MMP26: variants seen among roughly 807,000 people sequenced by gnomAD.
The protein encoded by MMP26 is matrix metalloproteinase-26.
MMP26 carries 33 observed loss-of-function variants against 31.0 expected under a neutral mutation model. That is an observed-to-expected ratio of 1.06 (90% CI 0.81 to 1.42). The LOEUF (loss-of-function observed/expected upper bound fraction) is 1.42, where lower values mean the gene tolerates loss of function less well. Ranked by LOEUF, MMP26 falls within the 40% of genes most tolerant of loss-of-function variation. The pLI, the probability that MMP26 is intolerant of heterozygous loss-of-function variation, is 0.00. For missense variants in MMP26, 347 were observed against 316.1 expected (o/e 1.10, Z -0.74); for synonymous variants, 122 against 114.9 (o/e 1.06, Z -0.40).
chr11:4,729,302 A>G (rs1848142329), intron 1 of MMP26, among the ~76,000 whole-genome samples: 1 of 152,168 alleles, frequency 6.6e-6, no homozygotes, highest in African/African-American at 2.4e-5. Context: ...CTGACAGCCA[A>G]GCAGGTGATG....
chr11:4,809,215 A>G (rs1014890376), intron 2 of MMP26, among the ~76,000 whole-genome samples: 3 of 152,222 alleles, frequency 2.0e-5, no homozygotes, highest in African/African-American at 7.2e-5. Context: ...TGAACATAGT[A>G]CATACTGAAA....
At chr11:4,766,514 C>A (rs1848630778) in intron 1 of MMP26, among the ~76,000 whole-genome samples, 1 of 152,078 alleles carries the variant, frequency 6.6e-6, no homozygotes, top group Non-Finnish European at 1.5e-5. Flanking sequence ...TTGACTCTAA[C>A]AATTAGATAG....
At chr11:4,743,670 T>C (rs1377619934) in intron 1 of MMP26, among the ~76,000 whole-genome samples, 1 of 152,224 alleles carries the variant, frequency 6.6e-6, no homozygotes, top group Non-Finnish European at 1.5e-5. Context: ...ACAAATTACT[T>C]CTTTTTGAGA....
chr11:4,861,725 C>T (rs76501766), intron 2 of MMP26, among the ~76,000 whole-genome samples: 1,555 of 152,142 alleles, frequency 0.01, 13 homozygotes, highest in Middle Eastern at 0.058. Flanking sequence ...ATACTTAGCC[C>T]AGTTCCTTCA....
chr11:4,753,825 C>A (rs756616089), intron 1 of MMP26, among the ~76,000 whole-genome samples: 17 of 151,942 alleles, frequency 1.1e-4, no homozygotes, highest in Non-Finnish European at 2.5e-4. Context: ...TTCCTATGAA[C>A]CTGAAGCTTG....
chr11:4,762,403 A>G (rs1431629249), intron 1 of MMP26, among the ~76,000 whole-genome samples: 1 of 152,118 alleles, frequency 6.6e-6, no homozygotes, highest in South Asian at 2.1e-4. Context: ...TTTATTCACA[A>G]TATTTTGATG....
intron 2 of MMP26, among the ~76,000 whole-genome samples, chr11:4,770,419 T>G (rs776281348): frequency 1.1e-4 from 16 of 152,242 alleles, no homozygotes; most frequent in Non-Finnish European, 2.1e-4. Context: ...TTTATCATTT[T>G]CATCCAACAC....
chr11:4,982,255 T>C (rs2133641667), intron 2 of MMP26, among the ~76,000 whole-genome samples: 1 of 152,252 alleles, frequency 6.6e-6, no homozygotes, highest in African/African-American at 2.4e-5. Context: ...TGTGCTATAC[T>C]TCTGTAGGAT....
At chr11:4,869,397 A>T (rs1367974879) in intron 2 of MMP26, among the ~76,000 whole-genome samples, 2 of 152,244 alleles carry the variant, frequency 1.3e-5, no homozygotes, top group East Asian at 3.8e-4. Flanking sequence ...CCCATCAAAA[A>T]GTGGGCGAAG....
chr11:4,770,220 A>G (rs1848698410), intron 2 of MMP26, among the ~76,000 whole-genome samples: 1 of 152,208 alleles, frequency 6.6e-6, no homozygotes, highest in South Asian at 2.1e-4. Context: ...AAGATGCATC[A>G]TATTGTAAGA....
chr11:4,851,832 A>G (rs1210128071), intron 2 of MMP26, among the ~76,000 whole-genome samples: 1 of 152,148 alleles, frequency 6.6e-6, no homozygotes, highest in Non-Finnish European at 1.5e-5. Flanking sequence ...AGATGAATTG[A>G]AATCATTCAC....
intron 2 of MMP26, chr11:4,882,682 T>G (rs757349152): frequency 6.2e-7 from 1 of 1,613,960 alleles, no homozygotes. Flanking sequence ...TCAGCCTCTC[T>G]TTGGCACACC....
intron 2 of MMP26, chr11:4,937,287 C>A (rs1424603563): frequency 6.6e-6 from 1 of 152,122 alleles, no homozygotes; most frequent in African/African-American, 2.4e-5. Context: ...ATACTTTCTC[C>A]CAGTGAAACA....
intron 1 of MMP26, among the ~76,000 whole-genome samples, chr11:4,747,691 A>G (rs891828193): frequency 2.6e-5 from 4 of 152,160 alleles, no homozygotes; most frequent in African/African-American, 9.6e-5. Flanking sequence ...CTCTAAGGAA[A>G]CTGATTTAGG....
chr11:4,803,717 C>T lies in MMP26; in HGVS notation c.-145+36376C>T, dbSNP rs200440576. ...TGAAGCACAGCTCTCAAAATCATCA[C>T]GTATGACATACCAATGACAATCATA... On this transcript the variant is annotated intron_variant, in intron 2 of 7. Transcript: ENST00000380390. 219 of 1,613,804 alleles carry T rather than the reference C, an allele frequency of 1.4e-4. No homozygotes were observed. Among genetic ancestry groups the T allele is most frequent in the Non-Finnish European group, 1.6e-4 (186 of 1,179,978 alleles).
At chr11:4,755,659 C>T (rs775376344) in intron 1 of MMP26, among the ~76,000 whole-genome samples, 11 of 151,998 alleles carry the variant, frequency 7.2e-5, no homozygotes, top group African/African-American at 9.6e-5. Flanking sequence ...ATTTCCCCTC[C>T]GATTTTAAGC....
At chr11:4,980,512 T>A (rs931426943) in intron 2 of MMP26, among the ~76,000 whole-genome samples, 2 of 151,848 alleles carry the variant, frequency 1.3e-5, no homozygotes, top group African/African-American at 4.8e-5. Context: ...ACATAAAATA[T>A]GAAAAAATTT....
intron 1 of MMP26, among the ~76,000 whole-genome samples, chr11:4,734,436 G>A (rs1848210882): frequency 6.6e-6 from 1 of 151,724 alleles, no homozygotes. Flanking sequence ...TTTAGGTTTA[G>A]TTAGTTCTTC....
At chr11:4,881,840 A>C (rs969546651) in intron 2 of MMP26, 4 of 1,360,864 alleles carry the variant, frequency 2.9e-6, no homozygotes, top group Non-Finnish European at 4.2e-6. Flanking sequence ...AATGTATGCT[A>C]TATATATAAA....
Sources: gnomAD v4.1 joint callset for allele counts (sites outside exome capture counted in the v4.1 genomes callset) on GRCh38, gnomAD v4.1.1 for gene constraint, MANE v1.5 for transcripts, NCBI Gene and HGNC (gene_info 2026-07-23, HGNC 2026-07-21) for gene names.